The following APOLD1 variants were observed in gnomAD, a reference collection of about 807,000 sequenced individuals.
APOLD1 encodes the protein apolipoprotein L domain containing 1.
In APOLD1, 22 loss-of-function variants were observed where a neutral mutation model predicts 15.3. The observed-to-expected ratio is 1.44, with a 90% CI of 1.03 to 2.05. APOLD1 has a LOEUF of 2.05. APOLD1 is among the 30% of genes most tolerant of loss of function. The pLI is 0.00. For synonymous variants in APOLD1, 190 were observed against 167.4 expected (o/e 1.13, Z -1.04); for missense variants, 394 against 353.5 (o/e 1.11, Z -0.92).
chr12:12,781,681 C>A (rs1472812927), upstream of APOLD1, among the ~76,000 whole-genome samples: 1 of 151,492 alleles, frequency 6.6e-6, no homozygotes, highest in African/African-American at 2.4e-5. Context: ...GCGCCTGCCA[C>A]CATGCCCGGC....
At chr12:12,757,694 G>T (rs1946866670) in intron 1 of APOLD1, among the ~76,000 whole-genome samples, 2 of 151,204 alleles carry the variant, frequency 1.3e-5, no homozygotes. Context: ...TCATTTTATT[G>T]AGAGGTAATT....
chr12:12,765,726 T>G (rs1450976662), intron 1 of APOLD1, among the ~76,000 whole-genome samples: 1 of 152,080 alleles, frequency 6.6e-6, no homozygotes, highest in Non-Finnish European at 1.5e-5. Context: ...AAAAATTAGC[T>G]GGGTGTGGTG....
chr12:12,756,184 C>T (rs532983138), intron 1 of APOLD1, among the ~76,000 whole-genome samples: 1 of 152,330 alleles, frequency 6.6e-6, no homozygotes, highest in African/African-American at 2.4e-5. Context: ...GCCCACGTGA[C>T]TGCATGGATT....
chr12:12,765,499 A>G (rs1287373160), intron 1 of APOLD1, among the ~76,000 whole-genome samples: 4 of 152,268 alleles, frequency 2.6e-5, no homozygotes, highest in Admixed American at 2.0e-4. Flanking sequence ...CTAAATGGTT[A>G]TTAAACATTT....
upstream of APOLD1, among the ~76,000 whole-genome samples, chr12:12,782,865 C>T (rs968979833): frequency 1.3e-5 from 2 of 152,088 alleles, no homozygotes; most frequent in Admixed American, 6.5e-5. Flanking sequence ...AACAAAATGC[C>T]TTCATTTGTT....
chr12:12,772,994 A>G (rs1272806718), intron 1 of APOLD1, among the ~76,000 whole-genome samples: 4 of 152,116 alleles, frequency 2.6e-5, no homozygotes, highest in Non-Finnish European at 5.9e-5. Context: ...TGGGAGGATC[A>G]CTTGAGCCCA....
At chr12:12,756,578 T>G (rs991139401) in intron 1 of APOLD1, among the ~76,000 whole-genome samples, 1 of 152,168 alleles carries the variant, frequency 6.6e-6, no homozygotes, top group Non-Finnish European at 1.5e-5. Context: ...TTAAGCAATT[T>G]CTCATTGTTG....
At chr12:12,739,977 C>T (rs1003029379) in intron 1 of APOLD1, among the ~76,000 whole-genome samples, 4 of 132,596 alleles carry the variant, frequency 3.0e-5, no homozygotes, top group Non-Finnish European at 6.4e-5. Flanking sequence ...CTGCCACATC[C>T]GGCTAATTTT....
In APOLD1 at chr12:12,787,083, A is replaced by G. The variant is rs1383689971; in HGVS notation, c.178A>G (p.Ser60Gly). 2.9e-6 allele frequency: 4 copies of G among 1,394,474 alleles called. No individual in the cohort carries two copies. Among genetic ancestry groups the G allele is most frequent in the Non-Finnish European group, 3.7e-6 (4 of 1,084,690 alleles). The allele number at this position is 1,394,474 out of a possible 1,614,324, so 86.4% of individuals were successfully genotyped here. ...RRSLVANVAG[S>G]SLSATGALAA... ...CTCCCTCGTAGCCAACGTGGCCGGCAGCTCGCTGAGCGCAACGGGCGCCCT... is the reference window on the plus strand; with the variant it reads ...CTCCCTCGTAGCCAACGTGGCCGGCGGCTCGCTGAGCGCAACGGGCGCCCT... Residue 60 changes from serine (S) to glycine (G), a missense_variant, in exon 2 of 2, where the codon AGC becomes GGC. Transcript: ENST00000356591. The surrounding 1 kb of genome is among the most constrained non-coding windows in gnomAD (Gnocchi z 4.9).
intron 1 of APOLD1, among the ~76,000 whole-genome samples, chr12:12,728,276 C>T (rs1380399163): frequency 6.6e-6 from 1 of 151,982 alleles, no homozygotes; most frequent in Non-Finnish European, 1.5e-5. Context: ...CTGTTTAATA[C>T]TTAATGTAGG....
chr12:12,726,062 C>T (rs1433822632), exon 1 of APOLD1: 2 of 1,529,002 alleles, frequency 1.3e-6, no homozygotes, highest in Non-Finnish European at 1.8e-6. Context: ...CGGGCAGGAG[C>T]CTGGCGAGGA....
chr12:12,742,533 G>A (rs553687950), intron 1 of APOLD1, among the ~76,000 whole-genome samples: 4 of 152,070 alleles, frequency 2.6e-5, no homozygotes, highest in Non-Finnish European at 4.4e-5. Context: ...TTGGGAGGCC[G>A]AGGTGGGTGG....
At chr12:12,737,650 CAA>C (rs980977544) in intron 1 of APOLD1, among the ~76,000 whole-genome samples, 9 of 152,144 alleles carry the variant, frequency 5.9e-5, no homozygotes, top group African/African-American at 2.2e-4. Flanking sequence ...AATCTACACT[CAA>C]GAGAGAGTAC....
At chr12:12,726,223 A>T in intron 1 of APOLD1, 4 of 785,988 alleles carry the variant, frequency 5.1e-6, no homozygotes, top group Admixed American at 2.5e-5. Flanking sequence ...CGCCACTCAG[A>T]ACCCATCATA....
intron 1 of APOLD1, among the ~76,000 whole-genome samples, chr12:12,769,954 G>A (rs907128894): frequency 1.3e-5 from 2 of 152,064 alleles, no homozygotes; most frequent in African/African-American, 4.8e-5. Flanking sequence ...CATCATGCCT[G>A]GCTATCAAGA....
upstream of APOLD1, among the ~76,000 whole-genome samples, chr12:12,784,467 C>T (rs115180227): frequency 9.8e-3 from 1,495 of 152,168 alleles, 25 homozygotes; most frequent in African/African-American, 0.034. Flanking sequence ...TGGAAGTGGA[C>T]CAAATCTAGA....
chr12:12,727,581 ATTAT>A (rs71064314), intron 1 of APOLD1, among the ~76,000 whole-genome samples: 3 of 151,456 alleles, frequency 2.0e-5, no homozygotes, highest in East Asian at 1.9e-4. Context: ...TGAAAGCTTT[ATTAT>A]TTATTTATTT....
chr12:12,777,339 T>C lies in APOLD1; in HGVS notation c.97-9570T>C, dbSNP rs544771423. ...TACAAGGACAAAAGGAAAGAGTGGT[T>C]GGTCAGTTTCATCACACAGGCTGTT... On this transcript the variant is annotated intron_variant, in intron 1 of 1. Coordinates refer to the APOLD1 transcript ENST00000326765. Among the ~76,000 whole-genome samples the C allele has an allele frequency of 1.6e-4, 25 of 152,234 alleles. No individual in the cohort carries two copies. The South Asian group carries it at 5.2e-3, about 32-fold the overall frequency.
intron 1 of APOLD1, among the ~76,000 whole-genome samples, chr12:12,756,669 T>C (rs1946859461): frequency 6.6e-6 from 1 of 152,240 alleles, no homozygotes; most frequent in Admixed American, 6.5e-5. Context: ...ACTAGGTTCC[T>C]ATTCTCTTCT....
Sources: gnomAD v4.1 joint callset for allele counts (sites outside exome capture counted in the v4.1 genomes callset) on GRCh38, gnomAD v4.1.1 for gene constraint, Gnocchi (gnomAD v3.1) non-coding constraint, MANE v1.5 for transcripts, NCBI Gene and HGNC (gene_info 2026-07-23, HGNC 2026-07-21) for gene names.